SORCS3: variants seen among roughly 807,000 people sequenced by gnomAD.
SORCS3 encodes sortilin related VPS10 domain containing receptor 3.
A neutral mutation model predicts 146.3 loss-of-function variants in SORCS3; 57 were observed. That is an observed-to-expected ratio of 0.39 (90% confidence interval 0.31 to 0.49). The LOEUF (loss-of-function observed/expected upper bound fraction) is 0.49, where lower values mean the gene tolerates loss of function less well. SORCS3 is among the 20% of genes least tolerant of loss of function. The pLI is 0.92. For missense variants in SORCS3, 1,341 were observed against 1,575.5 expected (o/e 0.85, Z 2.52); for synonymous variants, 653 against 618.5 (o/e 1.06, Z -0.83).
intron 2 of SORCS3, among the ~76,000 whole-genome samples, chr10:104,858,210 C>A (rs1589525798): frequency 1.3e-5 from 2 of 152,262 alleles, no homozygotes; most frequent in African/African-American, 4.8e-5. Context: ...ATATACCAAT[C>A]ATCTAAATTC....
At chr10:104,870,142 A>G (rs2018504044) in intron 2 of SORCS3, among the ~76,000 whole-genome samples, 1 of 152,234 alleles carries the variant, frequency 6.6e-6, no homozygotes, top group Non-Finnish European at 1.5e-5. Flanking sequence ...TTCTCTTAGG[A>G]TGGTGCACAT....
chr10:104,775,012 A>T (rs139239349), intron 1 of SORCS3, among the ~76,000 whole-genome samples: 77 of 152,302 alleles, frequency 5.1e-4, no homozygotes, highest in African/African-American at 1.8e-3. Flanking sequence ...TAATTTTACC[A>T]AGCATCTGTA....
At chr10:104,909,522 T>C (rs953678492) in intron 2 of SORCS3, among the ~76,000 whole-genome samples, 4 of 152,098 alleles carry the variant, frequency 2.6e-5, no homozygotes, top group African/African-American at 9.7e-5. Context: ...CCAGGGTTAA[T>C]GATCCTTAAT....
chr10:104,697,748 C>G (rs926066947), intron 1 of SORCS3, among the ~76,000 whole-genome samples: 2 of 152,150 alleles, frequency 1.3e-5, no homozygotes, highest in South Asian at 2.1e-4. Context: ...AACAGTTGGC[C>G]GGTGCTGAGC....
chr10:105,184,464 G>T (rs1232919691), intron 14 of SORCS3, among the ~76,000 whole-genome samples: 1 of 152,120 alleles, frequency 6.6e-6, no homozygotes, highest in Non-Finnish European at 1.5e-5. Context: ...GTTTGACCCT[G>T]AACAAGAATG....
Position 104,726,467 on chromosome 10 carries a change from C to T in SORCS3, c.627+84513C>T, listed in dbSNP as rs191844804. ...GGTGATGAGGGTTGGGTAAGGCCTG[C>T]GTGTGCCATGAGAGTGGGGAAGTCT... On this transcript the variant is annotated intron_variant, in intron 1 of 26. Coordinates refer to ENST00000369701, the MANE Select transcript of SORCS3 (RefSeq NM_014978.3). Among the ~76,000 whole-genome samples, 21 of 152,242 alleles carry T rather than the reference C, an allele frequency of 1.4e-4. No individual in the cohort carries two copies. In the East Asian group the frequency reaches 3.5e-3, roughly 25 times the overall value.
chr10:105,167,936 T>G (rs1017395002), intron 13 of SORCS3, among the ~76,000 whole-genome samples: 9 of 152,036 alleles, frequency 5.9e-5, no homozygotes, highest in African/African-American at 2.2e-4. Context: ...AATATTCAGA[T>G]GGCAGGAAGA....
At chr10:104,679,033 G>C (rs1274980616) in intron 1 of SORCS3, among the ~76,000 whole-genome samples, 1 of 152,232 alleles carries the variant, frequency 6.6e-6, no homozygotes, top group East Asian at 1.9e-4. Flanking sequence ...AGAAGGATAA[G>C]AATTGTTCTC....
At chr10:104,717,818 A>G (rs1210382632) in intron 1 of SORCS3, among the ~76,000 whole-genome samples, 2 of 152,144 alleles carry the variant, frequency 1.3e-5, no homozygotes, top group Non-Finnish European at 2.9e-5. Flanking sequence ...AGTATACCAC[A>G]GACTGAGTAA....
intron 5 of SORCS3, among the ~76,000 whole-genome samples, chr10:105,045,034 A>AG (rs2055360934): frequency 6.7e-6 from 1 of 148,574 alleles, no homozygotes; most frequent in Non-Finnish European, 1.5e-5. Flanking sequence ...AAAAAAAAAA[A>AG]AAAAAAAGAA....
intron 1 of SORCS3, among the ~76,000 whole-genome samples, chr10:104,831,483 G>A (rs183187220): frequency 4.4e-4 from 67 of 152,260 alleles, no homozygotes; most frequent in Non-Finnish European, 5.6e-4. Context: ...GGCCAGTTGC[G>A]ATTCCAAAGA....
chr10:104,833,011 T>G lies in SORCS3; in HGVS notation c.628-9781T>G, dbSNP rs980045865. ...ATGGGTGTCAGCTCCCAGATGGTGG[T>G]CATTGAGTTTTCACAAGTCCACTCA... On this transcript the variant is annotated intron_variant, in intron 1 of 26. Transcript: ENST00000369701. Among the ~76,000 whole-genome samples the G allele has an allele frequency of 3.3e-5, 5 of 152,208 alleles. No individual in the cohort carries two copies. The South Asian group carries it at 6.2e-4, about 19-fold the overall frequency.
chr10:104,926,171 G>A (rs925400153), intron 3 of SORCS3, among the ~76,000 whole-genome samples: 1 of 152,138 alleles, frequency 6.6e-6, no homozygotes, highest in South Asian at 2.1e-4. Context: ...GATTTTTAAA[G>A]AGCCTCATGT....
intron 18 of SORCS3, among the ~76,000 whole-genome samples, chr10:105,214,903 G>A (rs1319256229): frequency 6.6e-6 from 1 of 152,180 alleles, no homozygotes; most frequent in Non-Finnish European, 1.5e-5. Context: ...CTTTGCTGAG[G>A]AATATTTATT....
rs34447542 is a variant in SORCS3 at position 104,741,134 on chromosome 10, ATTTTTTTT to A, written c.627+99195_627+99202del. Among the ~76,000 whole-genome samples the A allele has an allele frequency of 6.9e-4, 72 of 104,894 alleles. 1 individual carries two copies. Among genetic ancestry groups the A allele is most frequent in the Admixed American group, 4.5e-3 (40 of 8,964 alleles). 68.8% of individuals were successfully genotyped at this position (104,894 alleles called of 152,430 possible). On this transcript the variant is annotated intron_variant, in intron 1 of 26. Transcript: ENST00000369701. ...ATTCCACTACACCTGGATAATTTAA[ATTTTTTTT>A]TTTTTTTTTTTTTTGCCAGGGTCTT...
At chr10:104,744,950 C>A (rs928027507) in intron 1 of SORCS3, among the ~76,000 whole-genome samples, 8 of 152,216 alleles carry the variant, frequency 5.3e-5, no homozygotes, top group Non-Finnish European at 1.0e-4. Context: ...ATGCATAAGA[C>A]ATGCACATTA....
chr10:105,040,702 A>T (rs1299949170), intron 4 of SORCS3, among the ~76,000 whole-genome samples: 1 of 148,248 alleles, frequency 6.7e-6, no homozygotes. Flanking sequence ...GTAGTGTTTT[A>T]TTCACCAGGT....
intron 5 of SORCS3, among the ~76,000 whole-genome samples, chr10:105,083,747 G>C (rs1452272): frequency 0.025 from 3,876 of 152,206 alleles, 157 homozygotes; most frequent in African/African-American, 0.088. Context: ...CAATATGAGT[G>C]ACTTCCAGTT....
intron 20 of SORCS3, among the ~76,000 whole-genome samples, chr10:105,225,067 C>T (rs1344110311): frequency 2.6e-5 from 4 of 152,042 alleles, no homozygotes; most frequent in Admixed American, 2.6e-4. Context: ...CTTTTGTAGA[C>T]AAAAGTTTTT....
Sources: allele counts gnomAD v4.1 joint callset (sites outside exome capture counted in the v4.1 genomes callset), GRCh38; gene constraint gnomAD v4.1.1; transcripts MANE v1.5; gene names NCBI Gene and HGNC (gene_info 2026-07-23, HGNC 2026-07-21).